Variants in SPHKAP observed in about 807,000 individuals in gnomAD.
The protein encoded by SPHKAP is SPHK1 interactor, AKAP domain containing.
In SPHKAP, 67 loss-of-function variants were observed where a neutral mutation model predicts 137.5. That is an observed-to-expected ratio of 0.49 (90% confidence interval 0.40 to 0.60). The LOEUF is 0.60. Ranked by LOEUF, SPHKAP falls within the 20% of genes least tolerant of loss-of-function variation. The probability of loss-of-function intolerance (pLI) is 0.00; values close to 1 mark genes in which losing one functional copy is unlikely to be tolerated. For missense variants in SPHKAP, 2,097 were observed against 2,069.3 expected (o/e 1.01, Z -0.26); for synonymous variants, 813 against 785.3 (o/e 1.04, Z -0.59).
chr2:228,060,456 G>T (rs760778554), intron 3 of SPHKAP, among the ~76,000 whole-genome samples: 2 of 152,136 alleles, frequency 1.3e-5, no homozygotes, highest in Non-Finnish European at 2.9e-5. Flanking sequence ...TGAGAAAACA[G>T]AAATTTCCAT....
At chr2:228,070,991 C>T (rs1227321211) in intron 3 of SPHKAP, among the ~76,000 whole-genome samples, 1 of 152,094 alleles carries the variant, frequency 6.6e-6, no homozygotes, top group Non-Finnish European at 1.5e-5. Flanking sequence ...GATATTGTCC[C>T]TTATTGGCAA....
intron 3 of SPHKAP, among the ~76,000 whole-genome samples, chr2:228,108,255 A>T (rs1382337135): frequency 6.6e-6 from 1 of 152,224 alleles, no homozygotes; most frequent in African/African-American, 2.4e-5. Context: ...ATTCTACAAT[A>T]ATATCTAATC....
chr2:228,138,390 A>G (rs1482228309), intron 1 of SPHKAP, among the ~76,000 whole-genome samples: 1 of 152,240 alleles, frequency 6.6e-6, no homozygotes, highest in Non-Finnish European at 1.5e-5. Context: ...AACAATTTAA[A>G]TATGTATCCA....
At chr2:228,099,403 C>G (rs918406195) in intron 3 of SPHKAP, among the ~76,000 whole-genome samples, 2 of 152,128 alleles carry the variant, frequency 1.3e-5, no homozygotes, top group African/African-American at 4.8e-5. Context: ...TGTACCAGTA[C>G]CATCCTGTTT....
chr2:228,070,197 T>C (rs1696961513), intron 3 of SPHKAP, among the ~76,000 whole-genome samples: 1 of 152,192 alleles, frequency 6.6e-6, no homozygotes, highest in Non-Finnish European at 1.5e-5. Flanking sequence ...AAACAGTGGA[T>C]TGACACATAT....
chr2:228,159,345 T>C (rs896081244), intron 1 of SPHKAP, among the ~76,000 whole-genome samples: 2 of 152,284 alleles, frequency 1.3e-5, no homozygotes, highest in South Asian at 2.1e-4. Flanking sequence ...ATGAAAACCG[T>C]AGGCCATCTG....
chr2:228,174,631 A>C (rs1559215454), intron 1 of SPHKAP, among the ~76,000 whole-genome samples: 1 of 152,186 alleles, frequency 6.6e-6, no homozygotes, highest in Non-Finnish European at 1.5e-5. Flanking sequence ...TATTTTACAC[A>C]AGATTTTTGG....
intron 7 of SPHKAP, among the ~76,000 whole-genome samples, chr2:228,000,755 T>C (rs901004318): frequency 6.6e-6 from 1 of 152,338 alleles, no homozygotes; most frequent in East Asian, 1.9e-4. Flanking sequence ...AAAATTCTAT[T>C]GTTTGGATGT....
At chr2:227,991,742 G>C in intron 9 of SPHKAP, 1 of 934,380 alleles carries the variant, frequency 1.1e-6, no homozygotes, top group Non-Finnish European at 1.3e-6. Context: ...TTCCCATCTT[G>C]TCACAATTTT....
At chr2:228,132,456 T>A (rs1699283218) in intron 1 of SPHKAP, 1 of 638,386 alleles carries the variant, frequency 1.6e-6, no homozygotes, top group Admixed American at 6.3e-5. Flanking sequence ...CACCAACACA[T>A]AACAAAATAT....
At chr2:228,175,965 T>C (rs1284646689) in intron 1 of SPHKAP, among the ~76,000 whole-genome samples, 4 of 152,232 alleles carry the variant, frequency 2.6e-5, no homozygotes. Flanking sequence ...GAGGAGTTCA[T>C]TCAGCATGAT....
rs746623941 is a variant in SPHKAP, at chr2:228,018,766, C to T, written c.2088G>A (p.Arg696=). Reference sequence around the variant, plus strand: ...AGGTGTCCAGAATTTCAGATGAATGCCTGTTGTCATTGGGGTCGATTATCA... The same window carrying T: ...AGGTGTCCAGAATTTCAGATGAATGTCTGTTGTCATTGGGGTCGATTATCA... The part of the protein sequence containing the change: ...KNMIIDPNDN[R]HSSEILDTLM... The change falls in exon 7 of 12, where the codon AGG becomes AGA. Residue 696 remains arginine (R), a synonymous_variant. Transcript: ENST00000392056. The T allele has an allele frequency of 3.7e-6, 6 of 1,614,028 alleles. No individual in the cohort carries two copies. Among genetic ancestry groups the T allele is most frequent in the South Asian group, 1.1e-5 (1 of 91,084 alleles).
At chr2:228,153,646 T>C (rs1700006149) in intron 1 of SPHKAP, among the ~76,000 whole-genome samples, 3 of 152,224 alleles carry the variant, frequency 2.0e-5, no homozygotes, top group Admixed American at 6.5e-5. Flanking sequence ...GATTTTCTGT[T>C]TATCTTTGGT....
At chr2:228,168,831 A>T (rs532296496) in intron 1 of SPHKAP, among the ~76,000 whole-genome samples, 2 of 152,310 alleles carry the variant, frequency 1.3e-5, no homozygotes, top group Admixed American at 1.3e-4. Flanking sequence ...TCTTGCATCA[A>T]GCAGTTAGCC....
chr2:227,983,826 G>C (rs987279634), intron 11 of SPHKAP, among the ~76,000 whole-genome samples: 7 of 152,204 alleles, frequency 4.6e-5, no homozygotes, highest in African/African-American at 1.7e-4. Flanking sequence ...AGGCTGAACA[G>C]AGCCTGGAGT....
intron 3 of SPHKAP, among the ~76,000 whole-genome samples, chr2:228,092,422 T>TAC (rs1559169215): frequency 1.6e-5 from 2 of 125,500 alleles, no homozygotes; most frequent in African/African-American, 6.2e-5. Context: ...TATACATATA[T>TAC]ACATATATGT....
At chr2:228,031,037 C>T (rs562753454) in intron 3 of SPHKAP, among the ~76,000 whole-genome samples, 5 of 152,216 alleles carry the variant, frequency 3.3e-5, no homozygotes, top group Admixed American at 6.5e-5. Flanking sequence ...GTGGATGCAG[C>T]GCACCGTGCA....
At chr2:228,077,192 T>G (rs1182527914) in intron 3 of SPHKAP, among the ~76,000 whole-genome samples, 2 of 152,160 alleles carry the variant, frequency 1.3e-5, no homozygotes, top group Non-Finnish European at 2.9e-5. Context: ...ATGGAGAACC[T>G]CTGCTAGGGC....
intron 3 of SPHKAP, among the ~76,000 whole-genome samples, chr2:228,037,028 T>TATA (rs1042725068): frequency 6.6e-6 from 1 of 151,998 alleles, no homozygotes; most frequent in African/African-American, 2.4e-5. Flanking sequence ...AAACTTAAAG[T>TATA]ATAATAATAA....
Sources: allele counts gnomAD v4.1 joint callset (sites outside exome capture counted in the v4.1 genomes callset), GRCh38; gene constraint gnomAD v4.1.1; transcripts MANE v1.5; gene names NCBI Gene and HGNC (gene_info 2026-07-23, HGNC 2026-07-21).